Variants in PTPRN2 observed in about 807,000 individuals in gnomAD.
The protein encoded by PTPRN2 is protein tyrosine phosphatase receptor type N2.
A neutral mutation model predicts 118.8 loss-of-function variants in PTPRN2; 74 were observed. The observed-to-expected ratio is 0.62, with a 90% confidence interval of 0.52 to 0.76. The LOEUF is 0.76. Among genes scored for constraint, PTPRN2 ranks in the 30% least tolerant of loss-of-function variants. The pLI, the probability that PTPRN2 is intolerant of heterozygous loss-of-function variation, is 0.00. For missense variants in PTPRN2, 1,481 were observed against 1,394.4 expected (o/e 1.06, Z -0.99); for synonymous variants, 641 against 608.0 (o/e 1.05, Z -0.80).
At chr7:157,667,753 G>A (rs978647350) in intron 13 of PTPRN2, among the ~76,000 whole-genome samples, 12 of 152,222 alleles carry the variant, frequency 7.9e-5, no homozygotes, top group South Asian at 6.2e-4. Context: ...CCCTCCCCAC[G>A]GGGCAGCGTT....
chr7:157,582,887 C>T (rs577893533), intron 17 of PTPRN2, among the ~76,000 whole-genome samples: 1 of 147,978 alleles, frequency 6.8e-6, no homozygotes, highest in Non-Finnish European at 1.5e-5. Context: ...AAAAAAAAAA[C>T]AAAACAAAAA....
chr7:157,852,884 T>A (rs200733598), intron 12 of PTPRN2, among the ~76,000 whole-genome samples: 95 of 101,024 alleles, frequency 9.4e-4, no homozygotes, highest in Non-Finnish European at 1.5e-3. Flanking sequence ...AAAAAAAAAA[T>A]ACTAGCACAG....
chr7:158,077,515 G>GC (rs1229481729), intron 11 of PTPRN2, among the ~76,000 whole-genome samples: 15 of 146,722 alleles, frequency 1.0e-4, no homozygotes, highest in African/African-American at 3.9e-4. Context: ...CCCCCCATGA[G>GC]CCTCACCCCA....
Position 157,674,486 on chromosome 7 carries a change from C to T in PTPRN2, c.2001+8239G>A, listed in dbSNP as rs144272865. Among the ~76,000 whole-genome samples the T allele has an allele frequency of 1.1e-4, 17 of 152,338 alleles. No homozygotes were observed. The South Asian group carries it at 1.9e-3, about 17-fold the overall frequency. On this transcript the variant is annotated intron_variant, in intron 13 of 22. Coordinates refer to ENST00000389418, the MANE Select transcript of PTPRN2 (RefSeq NM_002847.5). This position sits in a 1 kb window ranked among gnomAD's most constrained non-coding sequence, Gnocchi z 4.5. The stretch of plus-strand genomic sequence containing the variant: ...AACACCCAGCTCCTGCATGCCGTGG[C>T]GGCTCCAGCCATCATTCCTCATCCC...
In PTPRN2 at chr7:157,671,292, T is replaced by C. The variant is rs1187775037; in HGVS notation, c.2001+11433A>G. 6.6e-6 allele frequency among the ~76,000 whole-genome samples: 1 copy of C among 151,970 alleles called. No homozygotes were observed. Among genetic ancestry groups the C allele is most frequent in the East Asian group, 1.9e-4 (1 of 5,138 alleles). ...GTCTGGTGTGGGCAACAAGGCCCGC[T>C]CTGCACCCAGGCCTGCCTCCATCCA... On this transcript the variant is annotated intron_variant, in intron 13 of 22. Transcript: ENST00000389418. This position sits in a 1 kb window ranked among gnomAD's most constrained non-coding sequence, Gnocchi z 4.1.
chr7:158,330,037 T>C (rs62480868), intron 2 of PTPRN2, among the ~76,000 whole-genome samples: 35,354 of 107,534 alleles, frequency 0.33, 4,350 homozygotes, highest in Middle Eastern at 0.43. Flanking sequence ...AGAGGTGACA[T>C]CTGCAGACGT....
intron 1 of PTPRN2, among the ~76,000 whole-genome samples, chr7:158,528,509 A>G (rs73729680): frequency 0.036 from 5,536 of 152,108 alleles, 333 homozygotes; most frequent in African/African-American, 0.12. Flanking sequence ...ATGCTGGGCC[A>G]GGCTCGGTGG....
At chr7:158,071,375 G>T (rs1455567989) in intron 11 of PTPRN2, among the ~76,000 whole-genome samples, 2 of 113,668 alleles carry the variant, frequency 1.8e-5, no homozygotes, top group East Asian at 3.2e-4. Flanking sequence ...TCATGGTGGT[G>T]GAGGTGCTCG....
intron 11 of PTPRN2, among the ~76,000 whole-genome samples, chr7:158,014,912 CTT>C (rs1329354197): frequency 6.6e-6 from 1 of 152,120 alleles, no homozygotes; most frequent in Non-Finnish European, 1.5e-5. Flanking sequence ...TGTCTTTCCT[CTT>C]GTTTCAAAAA....
intron 6 of PTPRN2, among the ~76,000 whole-genome samples, chr7:158,145,145 G>C (rs1340523483): frequency 6.6e-6 from 1 of 151,726 alleles, no homozygotes; most frequent in Non-Finnish European, 1.5e-5. Flanking sequence ...GAATACCACG[G>C]CTCGGCAAGA....
chr7:158,279,795 G>A lies in PTPRN2; in HGVS notation c.277+37024C>T, dbSNP rs531626689. ...AGAGGGGCCCCCACAGTGCAGCAGCGGGCTGAGGGGCTCTTCGAGCCCGGC... is the reference window on the plus strand; with the variant it reads ...AGAGGGGCCCCCACAGTGCAGCAGCAGGCTGAGGGGCTCTTCGAGCCCGGC... On this transcript the variant is annotated intron_variant, in intron 3 of 22. Transcript: ENST00000389418. 2.1e-3 allele frequency among the ~76,000 whole-genome samples: 322 copies of A among 152,316 alleles called. 3 individuals carry two copies. Among genetic ancestry groups the A allele is most frequent in the African/African-American group, 6.8e-3 (283 of 41,570 alleles).
intron 10 of PTPRN2, among the ~76,000 whole-genome samples, chr7:158,081,831 CTG>C (rs1215542586): frequency 3.3e-5 from 5 of 152,208 alleles, no homozygotes; most frequent in African/African-American, 1.2e-4. Flanking sequence ...AAGAACTACT[CTG>C]TATAAAAACA....
chr7:158,441,239 A>G (rs1817121436), intron 2 of PTPRN2, among the ~76,000 whole-genome samples: 1 of 67,976 alleles, frequency 1.5e-5, no homozygotes, highest in African/African-American at 4.2e-5. Flanking sequence ...TGGTGATGGC[A>G]ATGAAGGTGA....
At chr7:157,837,054 C>T in intron 12 of PTPRN2, among the ~76,000 whole-genome samples, 1 of 149,326 alleles carries the variant, frequency 6.7e-6, no homozygotes, top group Non-Finnish European at 1.5e-5. Flanking sequence ...CCCATCCACA[C>T]ATCTGCCCTT....
At chr7:157,757,316 C>T (rs1048324003) in intron 12 of PTPRN2, among the ~76,000 whole-genome samples, 44 of 152,092 alleles carry the variant, frequency 2.9e-4, no homozygotes, top group African/African-American at 9.9e-4. Flanking sequence ...AGCACTGAGC[C>T]GCCTCCTATG....
intron 3 of PTPRN2, among the ~76,000 whole-genome samples, chr7:158,297,508 C>T (rs904493795): frequency 6.6e-6 from 1 of 152,336 alleles, no homozygotes; most frequent in Admixed American, 6.5e-5. Flanking sequence ...TCATCAGACA[C>T]AGAAGCATCT....
intron 21 of PTPRN2, among the ~76,000 whole-genome samples, chr7:157,558,282 GA>G (rs924998191): frequency 3.9e-5 from 6 of 152,124 alleles, no homozygotes; most frequent in African/African-American, 1.4e-4. Context: ...TGTGCTGACA[GA>G]AGAGGTTTGG....
At chr7:158,381,461 G>T (rs963540305) in intron 2 of PTPRN2, among the ~76,000 whole-genome samples, 3 of 152,172 alleles carry the variant, frequency 2.0e-5, no homozygotes, top group Admixed American at 6.5e-5. Context: ...TTCCCAACAA[G>T]TTCCTCATTT....
chr7:157,781,126 C>T (rs748734034), intron 12 of PTPRN2, among the ~76,000 whole-genome samples: 50 of 152,332 alleles, frequency 3.3e-4, no homozygotes, highest in Middle Eastern at 3.4e-3. Context: ...GTAGTGCTTG[C>T]GGTCCTATGG....
Sources: gnomAD v4.1 joint callset for allele counts (sites outside exome capture counted in the v4.1 genomes callset) on GRCh38, gnomAD v4.1.1 for gene constraint, Gnocchi (gnomAD v3.1) non-coding constraint, MANE v1.5 for transcripts, NCBI Gene and HGNC (gene_info 2026-07-23, HGNC 2026-07-21) for gene names.